Variants in XKR9 observed in about 807,000 individuals in gnomAD.
XKR9 encodes XK-related protein 9.
XKR9 carries 32 observed loss-of-function variants against 32.0 expected under a neutral mutation model. That is an observed-to-expected ratio of 1.00 (90% confidence interval 0.76 to 1.34). XKR9 has a LOEUF of 1.34. Among genes scored for constraint, XKR9 ranks in the 40% most tolerant of loss-of-function variants. The pLI is 0.00. For synonymous variants in XKR9, 168 were observed against 143.4 expected, an observed-to-expected ratio of 1.17 and a Z score of -1.22; for missense variants, 546 against 429.7, an observed-to-expected ratio of 1.27 and a Z score of -2.39.
At chr8:70,865,882 G>T in the XKR9 span, among the ~76,000 whole-genome samples, 2 of 152,174 alleles carry the variant, frequency 1.3e-5, no homozygotes, top group Admixed American at 6.5e-5. Flanking sequence ...AGAAAATGTT[G>T]ATTGCAGTTG....
intron 3 of XKR9, among the ~76,000 whole-genome samples, chr8:70,696,923 G>A (rs1428921130): frequency 1.2e-3 from 175 of 149,616 alleles, no homozygotes; most frequent in African/African-American, 4.2e-3. Flanking sequence ...GGATTCCTAA[G>A]TATTTTATTC....
the XKR9 span, among the ~76,000 whole-genome samples, chr8:70,987,269 C>CAA: frequency 6.6e-6 from 1 of 152,318 alleles, no homozygotes; most frequent in African/African-American, 2.4e-5. Context: ...AGTGTTAACT[C>CAA]AAAAGTCCAC....
intron 3 of XKR9, among the ~76,000 whole-genome samples, chr8:70,694,555 A>G (rs1292486840): frequency 6.6e-6 from 1 of 152,164 alleles, no homozygotes; most frequent in Non-Finnish European, 1.5e-5. Context: ...CGGCTGTGCT[A>G]TGCTGTGGGA....
At chr8:70,788,255 T>C (rs562371906) in intron 2 of XKR9, among the ~76,000 whole-genome samples, 3 of 152,218 alleles carry the variant, frequency 2.0e-5, no homozygotes, top group African/African-American at 7.2e-5. Context: ...CATAGCTCCA[T>C]GTCTGATGTT....
chr8:71,050,020 C>A, the XKR9 span, among the ~76,000 whole-genome samples: 2 of 151,768 alleles, frequency 1.3e-5, no homozygotes, highest in Non-Finnish European at 2.9e-5. Flanking sequence ...GCTAGTTATT[C>A]CAGATCGAGG....
the XKR9 span, among the ~76,000 whole-genome samples, chr8:70,813,003 G>T: frequency 1.3e-5 from 2 of 152,076 alleles, no homozygotes; most frequent in Admixed American, 6.5e-5. Flanking sequence ...TAAGCCAAAA[G>T]AACAAAGCTG....
the XKR9 span, among the ~76,000 whole-genome samples, chr8:71,051,858 A>G: frequency 1.3e-5 from 2 of 152,220 alleles, no homozygotes; most frequent in South Asian, 4.1e-4. Context: ...TGCGTGAATA[A>G]TTCATCTAGA....
At chr8:70,895,737 C>A in the XKR9 span, among the ~76,000 whole-genome samples, 1 of 149,594 alleles carries the variant, frequency 6.7e-6, no homozygotes, top group South Asian at 2.1e-4. Flanking sequence ...GCAATCCCAG[C>A]GCTTTGGGAG....
At chr8:70,749,126 G>A (rs191567143) in intron 2 of XKR9, among the ~76,000 whole-genome samples, 8 of 152,322 alleles carry the variant, frequency 5.3e-5, no homozygotes, top group South Asian at 4.1e-4. Flanking sequence ...CCCACTTCAG[G>A]TCTCCTGAGA....
chr8:70,739,342 A>G (rs1287362459), downstream of XKR9, among the ~76,000 whole-genome samples: 3 of 151,766 alleles, frequency 2.0e-5, no homozygotes, highest in Non-Finnish European at 4.4e-5. Context: ...CCATCCTTTT[A>G]TTTTGAGCCT....
intron 3 of XKR9, among the ~76,000 whole-genome samples, chr8:70,689,693 A>G (rs1819444796): frequency 6.6e-6 from 1 of 152,142 alleles, no homozygotes; most frequent in Non-Finnish European, 1.5e-5. Flanking sequence ...TAACTATCAT[A>G]AAGAATGATA....
At chr8:71,051,040 G>A in the XKR9 span, among the ~76,000 whole-genome samples, 21 of 136,626 alleles carry the variant, frequency 1.5e-4, no homozygotes, top group Non-Finnish European at 2.9e-4. Flanking sequence ...AATTATTTCA[G>A]TGGGGAATAA....
chr8:70,840,167 C>T, the XKR9 span, among the ~76,000 whole-genome samples: 5 of 152,174 alleles, frequency 3.3e-5, no homozygotes, highest in Non-Finnish European at 7.3e-5. Flanking sequence ...GCTGTACCTC[C>T]ATGATCTTCT....
chr8:70,799,218 G>A, the XKR9 span, among the ~76,000 whole-genome samples: 1 of 152,070 alleles, frequency 6.6e-6, no homozygotes, highest in Non-Finnish European at 1.5e-5. Context: ...GGTCAGCTTT[G>A]ATTTCTCTGA....
At chr8:71,052,230 G>GT in the XKR9 span, among the ~76,000 whole-genome samples, 1 of 152,194 alleles carries the variant, frequency 6.6e-6, no homozygotes, top group Non-Finnish European at 1.5e-5. Context: ...TTATTGTGTT[G>GT]TTTTTTCTTA....
chr8:70,932,354 A>G, the XKR9 span, among the ~76,000 whole-genome samples: 1 of 152,132 alleles, frequency 6.6e-6, no homozygotes, highest in Admixed American at 6.6e-5. Context: ...AATAATTTAT[A>G]GAATACAGTA....
At chr8:70,701,174 G>A (rs181410966) in intron 3 of XKR9, among the ~76,000 whole-genome samples, 113 of 152,288 alleles carry the variant, frequency 7.4e-4, no homozygotes, top group African/African-American at 2.6e-3. Context: ...TTCGGCTCGT[G>A]CACAGTGTGC....
the XKR9 span, among the ~76,000 whole-genome samples, chr8:70,810,630 G>T: frequency 7.2e-5 from 11 of 152,066 alleles, no homozygotes; most frequent in Non-Finnish European, 1.6e-4. Context: ...AAAAGGCAGG[G>T]GTTGTAATCC....
the XKR9 span, among the ~76,000 whole-genome samples, chr8:70,867,817 A>C: frequency 6.6e-6 from 1 of 152,226 alleles, no homozygotes; most frequent in Non-Finnish European, 1.5e-5. Flanking sequence ...GTCTCATCTG[A>C]GACAAGGCAA....
Sources: allele counts gnomAD v4.1 joint callset (sites outside exome capture counted in the v4.1 genomes callset), GRCh38; gene constraint gnomAD v4.1.1; transcripts MANE v1.5; gene names NCBI Gene and HGNC (gene_info 2026-07-23, HGNC 2026-07-21).